Variants in WDFY3 observed in about 807,000 individuals in gnomAD.
WDFY3 encodes the protein WD repeat and FYVE domain-containing protein 3.
In WDFY3, 66 loss-of-function variants were observed where a neutral mutation model predicts 409.6. That is an observed-to-expected ratio of 0.16 (90% CI 0.13 to 0.20). WDFY3 has a LOEUF of 0.20. WDFY3 is among the 10% of genes least tolerant of loss of function. WDFY3 has a pLI of 1.00. For missense variants in WDFY3, 3,031 were observed against 4,298.1 expected, an observed-to-expected ratio of 0.71 and a Z score of 8.24; for synonymous variants, 1,521 against 1,537.1, an observed-to-expected ratio of 0.99 and a Z score of 0.25.
At chr4:84,751,026 T>C (rs1343318400) in intron 36 of WDFY3, among the ~76,000 whole-genome samples, 2 of 152,252 alleles carry the variant, frequency 1.3e-5, no homozygotes, top group East Asian at 3.8e-4. Context: ...ACTGTTAATG[T>C]CCAGGGAAGG....
At chr4:84,763,846 G>C (rs767417756) in intron 32 of WDFY3, among the ~76,000 whole-genome samples, 1 of 152,146 alleles carries the variant, frequency 6.6e-6, no homozygotes, top group African/African-American at 2.4e-5. Context: ...CATGAAATCA[G>C]GTAGGTCAGA....
chr4:84,787,417 A>C (rs1747750580), intron 23 of WDFY3, 65 bp downstream of exon 23: 1 of 1,456,082 alleles, frequency 6.9e-7, no homozygotes. Flanking sequence ...TCAGACACAC[A>C]CATGCATCTA....
At chr4:84,749,654 C>T (rs567672240) in intron 36 of WDFY3, among the ~76,000 whole-genome samples, 6 of 152,226 alleles carry the variant, frequency 3.9e-5, no homozygotes, top group South Asian at 4.2e-4. Context: ...TTATCAATGA[C>T]GTTAAGTGAG....
chr4:84,702,303 T>G, intron 56 of WDFY3, 50 bp downstream of exon 56: 5 of 1,502,364 alleles, frequency 3.3e-6, no homozygotes, highest in Non-Finnish European at 4.4e-6. Flanking sequence ...TTATTTCTAT[T>G]GGACTTTTCC....
intron 2 of WDFY3, among the ~76,000 whole-genome samples, chr4:84,914,590 C>G (rs1768227957): frequency 6.6e-6 from 1 of 152,022 alleles, no homozygotes; most frequent in South Asian, 2.1e-4. Context: ...TAAAAATGCT[C>G]AATATAATTT....
At chr4:84,741,282 T>C (rs968771131) in intron 38 of WDFY3, among the ~76,000 whole-genome samples, 5 of 151,550 alleles carry the variant, frequency 3.3e-5, no homozygotes, top group Non-Finnish European at 7.4e-5. Context: ...CAATTGGTAA[T>C]AGGGGAGGGG....
chr4:84,832,533 T>C (rs887839130), intron 7 of WDFY3, among the ~76,000 whole-genome samples: 8 of 152,188 alleles, frequency 5.3e-5, no homozygotes, highest in South Asian at 2.1e-4. Flanking sequence ...GTGATGGATA[T>C]ATATACGCTA....
intron 3 of WDFY3, among the ~76,000 whole-genome samples, chr4:84,882,163 A>T (rs1046772671): frequency 1.3e-5 from 2 of 152,122 alleles, no homozygotes; most frequent in African/African-American, 4.8e-5. Context: ...CACCTAGAAA[A>T]ACAAGCACTG....
chr4:84,736,430 A>G (rs1396098000), intron 41 of WDFY3, 103 bp from the exon 42 acceptor site: 4 of 1,074,906 alleles, frequency 3.7e-6, no homozygotes, highest in Non-Finnish European at 3.8e-6. Flanking sequence ...GTAGTTAACA[A>G]AAGTAGCACA....
intron 45 of WDFY3, among the ~76,000 whole-genome samples, chr4:84,726,102 C>A (rs999032423): frequency 6.6e-6 from 1 of 151,954 alleles, no homozygotes; most frequent in Non-Finnish European, 1.5e-5. Context: ...CATAAAAATT[C>A]TTTTATGTGA....
At chr4:84,960,656 A>T (rs1264156979) in intron 1 of WDFY3, among the ~76,000 whole-genome samples, 8 of 151,776 alleles carry the variant, frequency 5.3e-5, no homozygotes, top group East Asian at 1.9e-4. Context: ...TTCTTATTTT[A>T]AAAAAAAGAA....
chr4:84,674,457 C>A (rs1472121654), intron 67 of WDFY3, among the ~76,000 whole-genome samples: 1 of 152,038 alleles, frequency 6.6e-6, no homozygotes, highest in African/African-American at 2.4e-5. Flanking sequence ...ATAGTCTCAG[C>A]TACTTGGAAG....
chr4:84,739,208 G>T, intron 39 of WDFY3, 89 bp from the exon 40 acceptor site: 2 of 1,296,698 alleles, frequency 1.5e-6, no homozygotes, highest in Non-Finnish European at 2.2e-6. Context: ...TCCATTACCA[G>T]CAGACACTGA....
At chr4:84,678,035 A>C (rs926524913) in intron 66 of WDFY3, 133 bp downstream of exon 66, 1 of 564,014 alleles carries the variant, frequency 1.8e-6, no homozygotes, top group Non-Finnish European at 3.2e-6. Context: ...TCTTCTTCAA[A>C]TTTATCTCTT....
intron 53 of WDFY3, among the ~76,000 whole-genome samples, chr4:84,706,351 A>C (rs933944169): frequency 6.6e-6 from 1 of 152,146 alleles, no homozygotes; most frequent in Non-Finnish European, 1.5e-5. Context: ...TTTATATGTA[A>C]AGTACCTTGT....
chr4:84,876,830 C>A (rs1331651184), intron 3 of WDFY3, among the ~76,000 whole-genome samples: 1 of 152,094 alleles, frequency 6.6e-6, no homozygotes, highest in Non-Finnish European at 1.5e-5. Context: ...TTTAAGCTTA[C>A]AATTTACGTA....
intron 1 of WDFY3, among the ~76,000 whole-genome samples, chr4:84,938,804 C>A (rs191340269): frequency 3.3e-5 from 5 of 152,296 alleles, no homozygotes; most frequent in Admixed American, 3.3e-4. Context: ...CATTCATACA[C>A]ACACATGCAC....
chr4:84,928,133 A>T (rs1259075953), intron 2 of WDFY3, among the ~76,000 whole-genome samples: 1 of 152,194 alleles, frequency 6.6e-6, no homozygotes, highest in African/African-American at 2.4e-5. Flanking sequence ...AAAAAGCAGA[A>T]GAAGGGTGAA....
chr4:84,951,713 G>A (rs2151121828), intron 1 of WDFY3, among the ~76,000 whole-genome samples: 1 of 152,314 alleles, frequency 6.6e-6, no homozygotes, highest in South Asian at 2.1e-4. Flanking sequence ...AATGCAACCA[G>A]TTTTCTTCCA....
Sources: allele counts gnomAD v4.1 joint callset (sites outside exome capture counted in the v4.1 genomes callset), GRCh38; gene constraint gnomAD v4.1.1; transcripts MANE v1.5; gene names NCBI Gene and HGNC (gene_info 2026-07-23, HGNC 2026-07-21).